Variants in SAV1 observed in about 807,000 individuals in gnomAD.
SAV1 encodes protein salvador homolog 1.
A neutral mutation model predicts 47.3 loss-of-function variants in SAV1; 23 were observed. The ratio of observed to expected loss-of-function variants is 0.49; its 90% CI spans 0.35 to 0.69. The LOEUF (loss-of-function observed/expected upper bound fraction) is 0.69. SAV1 is among the 30% of genes least tolerant of loss of function. The pLI is 0.01. For missense variants in SAV1, 448 were observed against 457.4 expected, an observed-to-expected ratio of 0.98 and a Z score of 0.19; for synonymous variants, 155 against 159.2, an observed-to-expected ratio of 0.97 and a Z score of 0.20.
At chr14:50,653,523 A>C (rs185674469) in intron 2 of SAV1, among the ~76,000 whole-genome samples, 39 of 152,342 alleles carry the variant, frequency 2.6e-4, no homozygotes, top group Non-Finnish European at 5.1e-4. Flanking sequence ...CAATAAAGTG[A>C]ATATTGCAAT....
At chr14:50,636,835 A>T (rs1429133165) in intron 4 of SAV1, among the ~76,000 whole-genome samples, 1 of 152,224 alleles carries the variant, frequency 6.6e-6, no homozygotes, top group Non-Finnish European at 1.5e-5. Context: ...AGGGAAACGC[A>T]TGTTATACCC....
chr14:50,642,492 A>C (rs1032029229), intron 3 of SAV1, among the ~76,000 whole-genome samples: 1 of 117,764 alleles, frequency 8.5e-6, no homozygotes, highest in East Asian at 2.1e-4. Context: ...TCCGTCTCAG[A>C]AAAAAAAAAA....
At chr14:50,647,085 A>T (rs1006616377) in intron 2 of SAV1, among the ~76,000 whole-genome samples, 2 of 152,252 alleles carry the variant, frequency 1.3e-5, no homozygotes, top group African/African-American at 4.8e-5. Flanking sequence ...GCCACCTTAC[A>T]TACAAATTAA....
chr14:50,645,731 T>A (rs569868912), intron 2 of SAV1, among the ~76,000 whole-genome samples: 1 of 151,906 alleles, frequency 6.6e-6, no homozygotes, highest in South Asian at 2.1e-4. Flanking sequence ...ATTTCAGCTT[T>A]AAAAAAAATG....
At chr14:50,644,363 T>C (rs937209891) in intron 3 of SAV1, among the ~76,000 whole-genome samples, 38 of 152,138 alleles carry the variant, frequency 2.5e-4, no homozygotes, top group Non-Finnish European at 3.8e-4. Context: ...AACAGCAAAA[T>C]GTTATAATTC....
chr14:50,659,073 ATTTTTTT>A (rs33946852), intron 2 of SAV1, among the ~76,000 whole-genome samples: 8 of 131,146 alleles, frequency 6.1e-5, no homozygotes, highest in South Asian at 2.4e-4. Flanking sequence ...GCTGTAAAGA[ATTTTTTT>A]TTTTTTTTTT....
intron 2 of SAV1, among the ~76,000 whole-genome samples, chr14:50,661,539 C>G (rs2039860106): frequency 6.6e-6 from 1 of 152,112 alleles, no homozygotes; most frequent in African/African-American, 2.4e-5. Context: ...TGAAGTGTTT[C>G]CCCTACATTT....
At chr14:50,638,598 C>T (rs1290382149) in intron 4 of SAV1, among the ~76,000 whole-genome samples, 1 of 152,088 alleles carries the variant, frequency 6.6e-6, no homozygotes, top group Non-Finnish European at 1.5e-5. Context: ...TCTTTTTCAC[C>T]TGTATCCAGA....
intron 2 of SAV1, among the ~76,000 whole-genome samples, chr14:50,649,705 G>C (rs984702050): frequency 3.9e-5 from 6 of 152,146 alleles, no homozygotes; most frequent in Admixed American, 3.9e-4. Flanking sequence ...CTCATTATTT[G>C]TAACAGTTGC....
At chr14:50,648,299 T>A (rs886146928) in intron 2 of SAV1, among the ~76,000 whole-genome samples, 11 of 152,138 alleles carry the variant, frequency 7.2e-5, no homozygotes, top group African/African-American at 2.7e-4. Context: ...GGACAGGAGT[T>A]GACTATAAGA....
At chr14:50,637,191 C>G (rs1000584642) in intron 4 of SAV1, among the ~76,000 whole-genome samples, 1 of 152,128 alleles carries the variant, frequency 6.6e-6, no homozygotes, top group African/African-American at 2.4e-5. Flanking sequence ...TACTTGAGAG[C>G]TGCAAATTTA....
At chr14:50,648,347 T>A (rs1405709971) in intron 2 of SAV1, among the ~76,000 whole-genome samples, 1 of 152,222 alleles carries the variant, frequency 6.6e-6, no homozygotes, top group Non-Finnish European at 1.5e-5. Flanking sequence ...GTTTGAAATG[T>A]TCTGTATTCT....
At chr14:50,667,497 G>C in intron 1 of SAV1, 1 of 461,346 alleles carries the variant, frequency 2.2e-6, no homozygotes, top group Non-Finnish European at 4.3e-6. Context: ...ACATCTCGAC[G>C]CATCTAAAAG....
At chr14:50,655,302 A>G (rs114448627) in intron 2 of SAV1, among the ~76,000 whole-genome samples, 7,581 of 152,330 alleles carry the variant, frequency 0.05, 206 homozygotes, top group African/African-American at 0.069. Flanking sequence ...TCTAATGTAT[A>G]GTCAATTCAG....
intron 2 of SAV1, 102 bp downstream of exon 2, chr14:50,665,076 TA>T (rs1222296326): frequency 7.0e-7 from 1 of 1,435,846 alleles, no homozygotes; most frequent in African/African-American, 1.5e-5. Context: ...AACATTTCGC[TA>T]GTAGTATTTG....
At chr14:50,655,447 GAC>G in intron 2 of SAV1, among the ~76,000 whole-genome samples, 2 of 140,514 alleles carry the variant, frequency 1.4e-5, no homozygotes, top group Admixed American at 7.2e-5. Context: ...TTTTTTTTGA[GAC>G]AGAGTCTAGC....
At chr14:50,636,097 A>G (rs1355916843) in intron 4 of SAV1, among the ~76,000 whole-genome samples, 2 of 152,192 alleles carry the variant, frequency 1.3e-5, no homozygotes, top group Non-Finnish European at 2.9e-5. Flanking sequence ...TAAATTACCC[A>G]TTATTCTAAT....
At chr14:50,642,934 TG>T (rs761713859) in intron 3 of SAV1, among the ~76,000 whole-genome samples, 5 of 152,192 alleles carry the variant, frequency 3.3e-5, no homozygotes, top group Non-Finnish European at 5.9e-5. Context: ...TTACAAACTA[TG>T]TAAATGTAAG....
chr14:50,660,184 C>A (rs572584634), intron 2 of SAV1, among the ~76,000 whole-genome samples: 1 of 152,308 alleles, frequency 6.6e-6, no homozygotes, highest in East Asian at 1.9e-4. Flanking sequence ...GGTCTTGTGA[C>A]TCCCCAATTT....
Sources: allele counts gnomAD v4.1 joint callset (sites outside exome capture counted in the v4.1 genomes callset), GRCh38; gene constraint gnomAD v4.1.1; transcripts MANE v1.5; gene names NCBI Gene and HGNC (gene_info 2026-07-23, HGNC 2026-07-21).